Variants in SAMMSON observed in about 807,000 individuals in gnomAD.
The protein encoded by SAMMSON is survival associated mitochondrial melanoma specific oncogenic non-coding RNA.
intron 4 of SAMMSON, among the ~76,000 whole-genome samples, chr3:70,082,830 C>T (rs924078263): frequency 2.0e-5 from 3 of 152,186 alleles, no homozygotes; most frequent in Admixed American, 1.3e-4. Flanking sequence ...TAAAGTAACT[C>T]ATTTAATCTT....
intron 7 of SAMMSON, among the ~76,000 whole-genome samples, chr3:70,296,766 G>T (rs1382464392): frequency 1.3e-5 from 2 of 152,048 alleles, no homozygotes; most frequent in East Asian, 3.9e-4. Context: ...CTATAAGCCC[G>T]ACTATCAGCT....
chr3:70,037,327 T>G (rs927021861), intron 3 of SAMMSON, among the ~76,000 whole-genome samples: 1 of 152,062 alleles, frequency 6.6e-6, no homozygotes, highest in Non-Finnish European at 1.5e-5. Flanking sequence ...GCAGGGTCCT[T>G]CTCTAGAATG....
chr3:70,235,025 C>G (rs1027252730), intron 4 of SAMMSON, among the ~76,000 whole-genome samples: 5 of 152,190 alleles, frequency 3.3e-5, no homozygotes, highest in African/African-American at 1.2e-4. Flanking sequence ...TTGAGAACCT[C>G]TGCCCCAAAG....
intron 6 of SAMMSON, among the ~76,000 whole-genome samples, chr3:70,282,598 T>A (rs536629110): frequency 9.2e-5 from 14 of 152,284 alleles, no homozygotes; most frequent in African/African-American, 2.9e-4. Context: ...CTTGCTATTT[T>A]CTATGCTGGA....
chr3:70,170,432 C>A (rs1700933765), intron 4 of SAMMSON, among the ~76,000 whole-genome samples: 1 of 151,716 alleles, frequency 6.6e-6, no homozygotes. Flanking sequence ...CTTTTAAATT[C>A]TTGAATTTAA....
intron 7 of SAMMSON, among the ~76,000 whole-genome samples, chr3:70,351,240 A>G (rs148558803): frequency 2.0e-5 from 3 of 152,250 alleles, no homozygotes; most frequent in African/African-American, 7.2e-5. Context: ...GGATTCTAAG[A>G]AAAAGTAAGT....
chr3:70,066,350 T>C (rs1449670793), intron 3 of SAMMSON, among the ~76,000 whole-genome samples: 1 of 152,164 alleles, frequency 6.6e-6, no homozygotes, highest in Admixed American at 6.6e-5. Flanking sequence ...AATGTTGTTG[T>C]TAATCTTTTT....
intron 4 of SAMMSON, among the ~76,000 whole-genome samples, chr3:70,228,314 C>A (rs1701527434): frequency 6.6e-6 from 1 of 151,556 alleles, no homozygotes; most frequent in African/African-American, 2.4e-5. Context: ...AAATATTAAC[C>A]AAAAAATCTT....
intron 6 of SAMMSON, chr3:70,291,137 C>A (rs1702235157): frequency 2.0e-5 from 3 of 152,146 alleles, no homozygotes; most frequent in South Asian, 4.1e-4. Flanking sequence ...GCAGTTTTAC[C>A]ATAAAAAGTA....
intron 3 of SAMMSON, among the ~76,000 whole-genome samples, chr3:70,028,110 T>TTCCTTCCCTTCCTTCCTTCCTTCCC (rs1474380015): frequency 6.9e-6 from 1 of 145,398 alleles, no homozygotes; most frequent in African/African-American, 2.7e-5. Flanking sequence ...CCTTCCTTCC[T>TTCCTTCCCTTCCTTCCTTCCTTCCC]TCCCTTCCTT....
intron 4 of SAMMSON, among the ~76,000 whole-genome samples, chr3:70,114,584 T>G (rs1305637135): frequency 6.6e-6 from 1 of 152,232 alleles, no homozygotes; most frequent in Non-Finnish European, 1.5e-5. Flanking sequence ...CAACAGTGCT[T>G]ATATTTTACT....
At chr3:70,182,090 G>A (rs1402222602) in intron 4 of SAMMSON, among the ~76,000 whole-genome samples, 2 of 152,118 alleles carry the variant, frequency 1.3e-5, no homozygotes, top group African/African-American at 4.8e-5. Context: ...GAGATGGGCT[G>A]GAGGTCCTCA....
intron 4 of SAMMSON, chr3:70,184,242 A>T (rs1701075225): frequency 6.6e-6 from 1 of 152,234 alleles, no homozygotes; most frequent in Admixed American, 6.5e-5. Context: ...ACTTTGGTTA[A>T]TATATGTTTG....
intron 2 of SAMMSON, among the ~76,000 whole-genome samples, chr3:70,408,438 T>C (rs1347864278): frequency 6.6e-6 from 1 of 152,262 alleles, no homozygotes; most frequent in African/African-American, 2.4e-5. Context: ...ACCTCTTTAA[T>C]GTTTTTCTCC....
intron 7 of SAMMSON, among the ~76,000 whole-genome samples, chr3:70,296,029 C>T (rs1056684002): frequency 2.6e-5 from 4 of 152,196 alleles, no homozygotes; most frequent in Non-Finnish European, 5.9e-5. Flanking sequence ...CATGCATTAA[C>T]TTGTGAAAGA....
At chr3:70,170,464 A>G (rs1284008776) in intron 4 of SAMMSON, among the ~76,000 whole-genome samples, 2 of 151,752 alleles carry the variant, frequency 1.3e-5, no homozygotes, top group African/African-American at 4.8e-5. Flanking sequence ...TATACAGAAA[A>G]TCACATAATA....
chr3:70,347,242 T>C (rs1263716952), intron 7 of SAMMSON, among the ~76,000 whole-genome samples: 1 of 152,200 alleles, frequency 6.6e-6, no homozygotes, highest in Non-Finnish European at 1.5e-5. Context: ...GCAAATATCT[T>C]AGTAGGTTAG....
intron 2 of SAMMSON, among the ~76,000 whole-genome samples, chr3:70,402,508 A>T (rs541321236): frequency 1.3e-5 from 2 of 152,240 alleles, no homozygotes; most frequent in African/African-American, 4.8e-5. Flanking sequence ...TTTTAAAAAT[A>T]TATTTTAACA....
At chr3:70,336,122 A>G (rs1412074210) in intron 7 of SAMMSON, among the ~76,000 whole-genome samples, 1 of 152,026 alleles carries the variant, frequency 6.6e-6, no homozygotes, top group African/African-American at 2.4e-5. Context: ...AGCACTCAGC[A>G]CCCAGAAAAG....
Sources: allele counts gnomAD v4.1 joint callset (sites outside exome capture counted in the v4.1 genomes callset), GRCh38; gene constraint gnomAD v4.1.1; transcripts MANE v1.5; gene names NCBI Gene and HGNC (gene_info 2026-07-23, HGNC 2026-07-21).